TMEM126A: variants seen among roughly 807,000 people sequenced by gnomAD.
TMEM126A encodes transmembrane protein 126A.
In TMEM126A, 10 loss-of-function variants were observed where a neutral mutation model predicts 18.3. That is an observed-to-expected ratio of 0.55 (90% CI 0.34 to 0.93). The LOEUF (loss-of-function observed/expected upper bound fraction) is 0.93, where lower values mean the gene tolerates loss of function less well. TMEM126A is among the 40% of genes least tolerant of loss of function. TMEM126A has a pLI of 0.02. For synonymous variants in TMEM126A, 68 were observed against 78.1 expected, an observed-to-expected ratio of 0.87 and a Z score of 0.68; for missense variants, 246 against 230.2, an observed-to-expected ratio of 1.07 and a Z score of -0.44.
At position 85,650,118 on chromosome 11, in the gene TMEM126A, GA is replaced by G. The variant is rs1375500567; in HGVS notation, c.-7-130del. Reference sequence around the variant, plus strand: ...CATGTTCTGGTTTCTGTTTCACTTAGATTTTTTTTTAATAATATGTATGCAA... The same window carrying G: ...CATGTTCTGGTTTCTGTTTCACTTAGTTTTTTTTTAATAATATGTATGCAA... On this transcript the variant is annotated intron_variant, in intron 1 of 4. Coordinates refer to ENST00000304511, the MANE Select transcript of TMEM126A (RefSeq NM_032273.4). The G allele has an allele frequency of 1.7e-5, 10 of 587,428 alleles. No individual in the cohort carries two copies. In the African/African-American group the frequency reaches 1.9e-4, roughly 11 times the overall value. The allele number at this position is 587,428 out of a possible 1,614,324, so 36.4% of individuals were successfully genotyped here.
At position 85,654,217 on chromosome 11, in the gene TMEM126A, T is replaced by C. The variant is rs755215136; in HGVS notation, c.241T>C (p.Leu81=). The stretch of plus-strand genomic sequence containing the variant: ...AGGGATACCTTTTCTTACAACAGAC[T>C]TAACTTACAGATGTTTTGTAAGTTT... ...MAGIPFLTTD[L]TYRCFVSFPL... is the part of the protein sequence containing the mutation. Residue 81 remains leucine (L), a synonymous_variant, in exon 3 of 5, where the codon TTA becomes CTA. Transcript: ENST00000304511. 1 of 1,614,214 alleles carries C rather than the reference T, an allele frequency of 6.2e-7. No homozygotes were observed. The highest frequency in any genetic ancestry group is 1.1e-5 in the South Asian group (1 of 91,080).
chr11:85,651,179 T>C (rs2082497369), intron 2 of TMEM126A, among the ~76,000 whole-genome samples: 1 of 152,114 alleles, frequency 6.6e-6, no homozygotes, highest in East Asian at 1.9e-4. Flanking sequence ...TTACACTTTG[T>C]TGACAGTCAA....
At chr11:85,653,332 G>C (rs1283202075) in intron 2 of TMEM126A, among the ~76,000 whole-genome samples, 3 of 152,166 alleles carry the variant, frequency 2.0e-5, no homozygotes, top group Non-Finnish European at 4.4e-5. Flanking sequence ...AGTTAGAGGA[G>C]GTACTCTGTG....
chr11:85,654,325 T>C, intron 3 of TMEM126A, 69 bp downstream of exon 3: 1 of 1,433,376 alleles, frequency 7.0e-7, no homozygotes, highest in Non-Finnish European at 9.8e-7. Context: ...TAGTCCATAC[T>C]TATTAATATC....
Position 85,650,350 on chromosome 11 carries a change from C to A in TMEM126A, c.86+9C>A. Reference sequence around the variant, plus strand: ...CTTCCAGAAGCAGAAAGGTAAGATCCCTTCTTAATTTAAAAACACCTTTTA... The same window carrying A: ...CTTCCAGAAGCAGAAAGGTAAGATCACTTCTTAATTTAAAAACACCTTTTA... On this transcript the variant is annotated intron_variant, in intron 2 of 4. Transcript: ENST00000304511. 6.3e-7 allele frequency: 1 copy of A among 1,580,062 alleles called. No homozygotes were observed. Among genetic ancestry groups the A allele is most frequent in the South Asian group, 1.1e-5 (1 of 89,974 alleles).
chr11:85,656,099 CTGTT>C (rs1186331744), intron 4 of TMEM126A, among the ~76,000 whole-genome samples: 2 of 152,166 alleles, frequency 1.3e-5, no homozygotes, highest in Non-Finnish European at 2.9e-5. Context: ...TGGCTATTCT[CTGTT>C]GAACTCTTGC....
intron 3 of TMEM126A, 38 bp downstream of exon 3, chr11:85,654,294 A>G: frequency 6.3e-7 from 1 of 1,594,800 alleles, no homozygotes; most frequent in African/African-American, 1.3e-5. Flanking sequence ...AGTTTGCCTT[A>G]GTATATGTTA....
chr11:85,654,431 G>C (rs570496055), intron 3 of TMEM126A, among the ~76,000 whole-genome samples, 175 bp downstream of exon 3: 72 of 152,282 alleles, frequency 4.7e-4, no homozygotes, highest in African/African-American at 1.6e-3. Context: ...CAACCAAGAT[G>C]CACATACACA....
In TMEM126A at chr11:85,650,483, GT is replaced by G. The variant is rs745376586; in HGVS notation, c.86+145del. On this transcript the variant is annotated intron_variant, in intron 2 of 4. Coordinates refer to ENST00000304511, the MANE Select transcript of TMEM126A (RefSeq NM_032273.4). ...GCCCTTTTCTTGCCTGGATGAGAGC[GT>G]TTAACCATTTTGCTCAACATCACAT... 273 of 688,242 alleles carry G rather than the reference GT, an allele frequency of 4.0e-4. 1 individual carries two copies. The highest frequency in any genetic ancestry group is 1.5e-3 in the South Asian group (88 of 58,004). The allele number at this position is 688,242 out of a possible 1,614,324, so 42.6% of individuals were successfully genotyped here. A position where few individuals can be genotyped will look rare whatever the true frequency, so the allele number is the denominator to read the frequency against.
chr11:85,649,789 C>G (rs1212933257), intron 1 of TMEM126A, among the ~76,000 whole-genome samples: 1 of 152,174 alleles, frequency 6.6e-6, no homozygotes, highest in Non-Finnish European at 1.5e-5. Context: ...ATTTAACTTT[C>G]CTTTTTGTGA....
rs199975305 is a variant in TMEM126A, at chr11:85,656,401, T to C, written c.488T>C (p.Ile163Thr). 4.2e-4 allele frequency: 677 copies of C among 1,613,324 alleles called. 4 individuals carry two copies. Among genetic ancestry groups the C allele is most frequent in the Non-Finnish European group, 9.6e-5 (113 of 1,179,610 alleles). ...GTCTTTAGAAAGATGTTATTTCCTATTTTGCTCCAGACTATGTTTTCAGCA... is the reference window on the plus strand; with the variant it reads ...GTCTTTAGAAAGATGTTATTTCCTACTTTGCTCCAGACTATGTTTTCAGCA... ...KPVFRKMLFP[I>T]LLQTMFSAYL... The change falls in exon 5 of 5, where the codon ATT (isoleucine) becomes ACT (threonine). Residue 163 changes from isoleucine (I) to threonine (T), a missense_variant. Ile to Thr is a moderately conservative substitution (Grantham distance 89, BLOSUM62 -1). Coordinates refer to ENST00000304511, the MANE Select transcript of TMEM126A (RefSeq NM_032273.4).
chr11:85,656,510 A>C lies in TMEM126A; in HGVS notation c.*9A>C, dbSNP rs2082541649. On this transcript the variant is annotated 3_prime_UTR_variant, in exon 5 of 5. Coordinates refer to ENST00000304511, the MANE Select transcript of TMEM126A (RefSeq NM_032273.4). ...GCAAAGAAATTCACTGATTTTAAACAAATATGTAAACAAAAATAAAATGGT... is the reference window on the plus strand; with the variant it reads ...GCAAAGAAATTCACTGATTTTAAACCAATATGTAAACAAAAATAAAATGGT... 1 of 1,605,174 alleles carries C rather than the reference A, an allele frequency of 6.2e-7. No individual in the cohort carries two copies. The highest frequency in any genetic ancestry group is 1.3e-5 in the African/African-American group (1 of 74,744).
At chr11:85,652,782 TTATA>T (rs1248234391) in intron 2 of TMEM126A, among the ~76,000 whole-genome samples, 1 of 151,644 alleles carries the variant, frequency 6.6e-6, no homozygotes, top group Non-Finnish European at 1.5e-5. Flanking sequence ...ACAAATGGAC[TTATA>T]TATAACATGT....
rs116788441 is a variant in TMEM126A at position 85,656,282 on chromosome 11, T to A, written c.396-27T>A. ...CCATTTGATGCAACAATCTTTTCTATTGAACTATCTCAATGTTTTCTTACA... is the reference window on the plus strand; with the variant it reads ...CCATTTGATGCAACAATCTTTTCTAATGAACTATCTCAATGTTTTCTTACA... On this transcript the variant is annotated intron_variant, in intron 4 of 4. Transcript: ENST00000304511. 7.9e-4 allele frequency: 1,264 copies of A among 1,600,242 alleles called. 6 individuals carry two copies. The African/African-American group carries it at 0.016, about 20-fold the overall frequency.
At chr11:85,654,738 C>T (rs2082525354) in intron 3 of TMEM126A, among the ~76,000 whole-genome samples, 1 of 152,158 alleles carries the variant, frequency 6.6e-6, no homozygotes, top group Non-Finnish European at 1.5e-5. Flanking sequence ...CAGGCGTGAG[C>T]CACTGCACCC....
chr11:85,653,233 A>G (rs926326565), intron 2 of TMEM126A, among the ~76,000 whole-genome samples: 1 of 152,204 alleles, frequency 6.6e-6, no homozygotes. Flanking sequence ...TCATGATTGC[A>G]AAGTGTCAGA....
At chr11:85,652,235 G>A (rs1455653213) in intron 2 of TMEM126A, among the ~76,000 whole-genome samples, 1 of 152,214 alleles carries the variant, frequency 6.6e-6, no homozygotes, top group Non-Finnish European at 1.5e-5. Flanking sequence ...AAATTAGAAA[G>A]AATACCTGGA....
At chr11:85,653,172 T>G (rs1242425342) in intron 2 of TMEM126A, among the ~76,000 whole-genome samples, 2 of 152,214 alleles carry the variant, frequency 1.3e-5, no homozygotes, top group South Asian at 4.1e-4. Flanking sequence ...TTTTTGTGCC[T>G]TTAGCACTAA....
At chr11:85,649,359 C>CTAT (rs2153312176) in intron 1 of TMEM126A, among the ~76,000 whole-genome samples, 1 of 152,322 alleles carries the variant, frequency 6.6e-6, no homozygotes, top group East Asian at 1.9e-4. Flanking sequence ...CATATGCAGC[C>CTAT]TATAGCTTGC....
Sources: gnomAD v4.1 joint callset for allele counts (sites outside exome capture counted in the v4.1 genomes callset) on GRCh38, gnomAD v4.1.1 for gene constraint, MANE v1.5 for transcripts, NCBI Gene and HGNC (gene_info 2026-07-23, HGNC 2026-07-21) for gene names.